Variants in LRRTM4 observed in about 807,000 individuals in gnomAD.
LRRTM4 encodes the protein leucine rich repeat transmembrane neuronal 4.
Under a neutral mutation model 47.6 loss-of-function variants are expected in LRRTM4, and 25 were observed. That is an observed-to-expected ratio of 0.53 (90% CI 0.38 to 0.73). The LOEUF (loss-of-function observed/expected upper bound fraction) is 0.73, where lower values mean the gene tolerates loss of function less well. LRRTM4 is among the 30% of genes least tolerant of loss of function. LRRTM4 has a pLI of 0.00. For synonymous variants in LRRTM4, 311 were observed against 269.5 expected (o/e 1.15, Z -1.51); for missense variants, 638 against 713.4 (o/e 0.89, Z 1.20).
At position 77,197,605 on chromosome 2, in the gene LRRTM4, T is replaced by C. The variant is rs528141135; in HGVS notation, c.1551+320713A>G. 3.9e-5 allele frequency among the ~76,000 whole-genome samples: 6 copies of C among 152,312 alleles called. No individual in the cohort carries two copies. The East Asian group carries it at 1.2e-3, about 29-fold the overall frequency. On this transcript the variant is annotated intron_variant, in intron 3 of 3. Transcript: ENST00000409884. ...CTATTATACACCTAAAATACTATTC[T>C]GTAAAGTTTTGTATTATAATTCACA...
chr2:77,211,697 A>C (rs1437830619), intron 3 of LRRTM4, among the ~76,000 whole-genome samples: 3 of 152,164 alleles, frequency 2.0e-5, no homozygotes, highest in Admixed American at 6.5e-5. Flanking sequence ...TGATCAATTT[A>C]ATGCCAGTGA....
intron 3 of LRRTM4, among the ~76,000 whole-genome samples, chr2:77,060,570 A>T (rs537196327): frequency 6.6e-6 from 1 of 152,204 alleles, no homozygotes; most frequent in Non-Finnish European, 1.5e-5. Context: ...ATGGGATTAT[A>T]ATAGATAATT....
At chr2:77,370,974 T>C (rs1452678636) in intron 3 of LRRTM4, among the ~76,000 whole-genome samples, 1 of 151,732 alleles carries the variant, frequency 6.6e-6, no homozygotes, top group African/African-American at 2.4e-5. Context: ...GGATTTAATC[T>C]GTAATACAAT....
chr2:77,005,828 C>T (rs1677622562), intron 3 of LRRTM4, among the ~76,000 whole-genome samples: 1 of 152,160 alleles, frequency 6.6e-6, no homozygotes, highest in East Asian at 1.9e-4. Flanking sequence ...TGTTTATTAG[C>T]AGTGTGAGAA....
chr2:77,481,323 G>A (rs890805073), intron 3 of LRRTM4, among the ~76,000 whole-genome samples: 2 of 152,106 alleles, frequency 1.3e-5, no homozygotes, highest in Non-Finnish European at 2.9e-5. Context: ...TCTAGAACAT[G>A]GTAGACCTGA....
At chr2:76,983,753 C>A (rs1251381264) in intron 3 of LRRTM4, among the ~76,000 whole-genome samples, 2 of 151,958 alleles carry the variant, frequency 1.3e-5, no homozygotes, top group East Asian at 3.9e-4. Flanking sequence ...CGTTTCCAAT[C>A]ATCTTCACAA....
intron 3 of LRRTM4, among the ~76,000 whole-genome samples, chr2:77,052,747 C>T (rs970090578): frequency 5.3e-5 from 8 of 151,662 alleles, no homozygotes; most frequent in Non-Finnish European, 8.8e-5. Flanking sequence ...CAAGTATCCT[C>T]GTGAAAGTTT....
intron 3 of LRRTM4, among the ~76,000 whole-genome samples, chr2:76,801,228 A>G (rs370775404): frequency 1.9e-4 from 29 of 152,122 alleles, no homozygotes; most frequent in African/African-American, 5.1e-4. Flanking sequence ...TGTTTATTGC[A>G]GCATTATTCA....
chr2:77,189,021 T>G (rs1221576966), intron 3 of LRRTM4, among the ~76,000 whole-genome samples: 1 of 152,164 alleles, frequency 6.6e-6, no homozygotes, highest in Non-Finnish European at 1.5e-5. Flanking sequence ...TTTAAACAGC[T>G]AATAAGTGGA....
intron 3 of LRRTM4, among the ~76,000 whole-genome samples, chr2:77,045,545 G>A (rs939465618): frequency 2.0e-5 from 3 of 151,904 alleles, no homozygotes; most frequent in Non-Finnish European, 4.4e-5. Flanking sequence ...GGACCCAGTG[G>A]GAGGTAATTG....
chr2:77,015,847 G>A (rs777887589), intron 3 of LRRTM4, among the ~76,000 whole-genome samples: 1 of 152,134 alleles, frequency 6.6e-6, no homozygotes, highest in Non-Finnish European at 1.5e-5. Context: ...GCCAGGTGCA[G>A]TGGCTCACAC....
chr2:77,040,461 C>T (rs1486164783), intron 3 of LRRTM4, among the ~76,000 whole-genome samples: 2 of 151,262 alleles, frequency 1.3e-5, no homozygotes, highest in African/African-American at 4.8e-5. Flanking sequence ...AATGAAGTCT[C>T]AGTAAATTTA....
At chr2:77,234,350 A>G (rs1675047408) in intron 3 of LRRTM4, among the ~76,000 whole-genome samples, 1 of 152,202 alleles carries the variant, frequency 6.6e-6, no homozygotes, top group Non-Finnish European at 1.5e-5. Context: ...CTTGGAAAAG[A>G]GATTTCTCTC....
intron 3 of LRRTM4, among the ~76,000 whole-genome samples, chr2:77,345,126 T>C (rs1334397321): frequency 6.6e-6 from 1 of 150,582 alleles, no homozygotes; most frequent in Non-Finnish European, 1.5e-5. Context: ...AATATACAAA[T>C]AGTTTAAAAG....
intron 3 of LRRTM4, among the ~76,000 whole-genome samples, chr2:76,783,673 G>A (rs1674515505): frequency 6.6e-6 from 1 of 152,114 alleles, no homozygotes; most frequent in Non-Finnish European, 1.5e-5. Context: ...CTAATTCCGG[G>A]TAAAACTCAG....
At chr2:77,002,344 G>C (rs1048375414) in intron 3 of LRRTM4, among the ~76,000 whole-genome samples, 32 of 152,098 alleles carry the variant, frequency 2.1e-4, no homozygotes, top group African/African-American at 6.0e-4. Flanking sequence ...GTGTTAATGA[G>C]AGTCATGTGG....
At chr2:76,781,113 C>G (rs1351833732) in intron 3 of LRRTM4, among the ~76,000 whole-genome samples, 1 of 152,278 alleles carries the variant, frequency 6.6e-6, no homozygotes, top group African/African-American at 2.4e-5. Flanking sequence ...TGCCCATTCT[C>G]AGATCTCCAG....
intron 3 of LRRTM4, among the ~76,000 whole-genome samples, chr2:77,146,604 A>G (rs1474438931): frequency 1.3e-5 from 2 of 152,132 alleles, no homozygotes; most frequent in Admixed American, 6.5e-5. Flanking sequence ...TTCTTTTTTC[A>G]TTGTTGCCAA....
At chr2:76,883,186 C>T (rs1232196029) in intron 3 of LRRTM4, among the ~76,000 whole-genome samples, 2 of 152,166 alleles carry the variant, frequency 1.3e-5, no homozygotes, top group Non-Finnish European at 2.9e-5. Context: ...CATCACCTCT[C>T]CTGTGGAGCT....
Sources: gnomAD v4.1 joint callset for allele counts (sites outside exome capture counted in the v4.1 genomes callset) on GRCh38, gnomAD v4.1.1 for gene constraint, MANE v1.5 for transcripts, NCBI Gene and HGNC (gene_info 2026-07-23, HGNC 2026-07-21) for gene names.